ITGA9: variants seen among roughly 807,000 people sequenced by gnomAD.
ITGA9 encodes the protein integrin alpha-9.
ITGA9 carries 56 observed loss-of-function variants against 127.8 expected under a neutral mutation model. The observed-to-expected ratio is 0.44, with a 90% CI of 0.35 to 0.55. ITGA9 has a LOEUF of 0.55. Ranked by LOEUF, ITGA9 falls within the 20% of genes least tolerant of loss-of-function variation. The pLI is 0.00. For synonymous variants in ITGA9, 508 were observed against 514.5 expected, an observed-to-expected ratio of 0.99 and a Z score of 0.17; for missense variants, 1,196 against 1,347.1, an observed-to-expected ratio of 0.89 and a Z score of 1.76.
chr3:37,519,629 A>T (rs1369276727), intron 11 of ITGA9, among the ~76,000 whole-genome samples: 1 of 152,266 alleles, frequency 6.6e-6, no homozygotes, highest in East Asian at 1.9e-4. Flanking sequence ...TTTATTTAAG[A>T]AAGGAAAGGA....
At chr3:37,599,841 A>AT (rs541348761) in intron 15 of ITGA9, among the ~76,000 whole-genome samples, 198 of 152,302 alleles carry the variant, frequency 1.3e-3, no homozygotes, top group Admixed American at 4.9e-3. Context: ...TCATAAACTG[A>AT]TTGTGCATTC....
At chr3:37,662,034 A>G (rs1575184299) in intron 17 of ITGA9, among the ~76,000 whole-genome samples, 1 of 152,212 alleles carries the variant, frequency 6.6e-6, no homozygotes, top group Non-Finnish European at 1.5e-5. Flanking sequence ...TGGAACACTT[A>G]TGAGTCTGGA....
Position 37,748,770 on chromosome 3 carries a change from AG to A in ITGA9, c.2434-1690del. Reference sequence around the variant, plus strand: ...CTTAAAAAAAAAAAAAAAAAAAAGAAGGAAGCCAAACAGAAAGATACCTGGG... The same window carrying A: ...CTTAAAAAAAAAAAAAAAAAAAAGAAGAAGCCAAACAGAAAGATACCTGGG... On this transcript the variant is annotated intron_variant, in intron 22 of 27. Coordinates refer to ENST00000264741, the MANE Select transcript of ITGA9 (RefSeq NM_002207.3). 17 of 644,784 alleles carry A rather than the reference AG, an allele frequency of 2.6e-5. No individual in the cohort carries two copies. In the South Asian group the frequency reaches 2.9e-4, roughly 11 times the overall value. 39.9% of individuals were successfully genotyped at this position (644,784 alleles called of 1,614,324 possible). A position where few individuals can be genotyped will look rare whatever the true frequency, so the allele number is the denominator to read the frequency against.
Position 37,799,791 on chromosome 3 carries a change from G to A in ITGA9, c.2890-4032G>A, listed in dbSNP as rs1476952681. ...TACCTGGGATGGAAACAAGAGGATG[G>A]AGAGAAAAGTTGTTTAGAAAGGTGT... On this transcript the variant is annotated intron_variant, in intron 26 of 27. Coordinates refer to ENST00000264741, the MANE Select transcript of ITGA9 (RefSeq NM_002207.3). The surrounding 1 kb of genome is among the most constrained non-coding windows in gnomAD (Gnocchi z 4.0). Among the ~76,000 whole-genome samples the A allele has an allele frequency of 6.6e-6, 1 of 152,174 alleles. No individual in the cohort carries two copies. The highest frequency in any genetic ancestry group is 2.4e-5 in the African/African-American group (1 of 41,452).
chr3:37,513,912 A>G lies in ITGA9; in HGVS notation c.1035+12A>G. On this transcript the variant is annotated intron_variant, in intron 9 of 27. Coordinates refer to ENST00000264741, the MANE Select transcript of ITGA9 (RefSeq NM_002207.3). ...TCAACAGAGGAAATGTGAGTACAAT[A>G]CTGGGCAATGTGCGGATGGGTGTGG... The G allele has an allele frequency of 6.2e-7, 1 of 1,612,798 alleles. No homozygotes were observed. The highest frequency in any genetic ancestry group is 8.5e-7 in the Non-Finnish European group (1 of 1,179,902).
At position 37,760,992 on chromosome 3, in the gene ITGA9, A is replaced by C. The variant is rs184294822; in HGVS notation, c.2541+10423A>C. 3.3e-5 allele frequency among the ~76,000 whole-genome samples: 5 copies of C among 152,330 alleles called. No homozygotes were observed. The East Asian group carries it at 9.7e-4, about 29-fold the overall frequency. On this transcript the variant is annotated intron_variant, in intron 23 of 27. Transcript: ENST00000264741. ...TTGAAGTTATATGAACAGGAAATTCACAAAAGAAGAAATTTTAGGGGCTGG... is the reference window on the plus strand; with the variant it reads ...TTGAAGTTATATGAACAGGAAATTCCCAAAAGAAGAAATTTTAGGGGCTGG...
intron 15 of ITGA9, among the ~76,000 whole-genome samples, chr3:37,587,827 G>A (rs958836863): frequency 3.3e-5 from 5 of 152,194 alleles, no homozygotes; most frequent in Non-Finnish European, 5.9e-5. Context: ...AGTCAAGGCG[G>A]AGCAGGCCTG....
intron 3 of ITGA9, among the ~76,000 whole-genome samples, chr3:37,474,538 G>A (rs1017340878): frequency 3.6e-5 from 5 of 139,226 alleles, no homozygotes; most frequent in Non-Finnish European, 5.0e-5. Flanking sequence ...TGCACAGCCC[G>A]ATGGGTTTTC....
At chr3:37,668,077 A>G (rs750943343) in intron 17 of ITGA9, among the ~76,000 whole-genome samples, 19 of 152,144 alleles carry the variant, frequency 1.2e-4, no homozygotes, top group Non-Finnish European at 2.1e-4. Flanking sequence ...TTCAGGGCCC[A>G]CCATACATGA....
intron 23 of ITGA9, among the ~76,000 whole-genome samples, chr3:37,764,659 C>CCTG (rs1204398243): frequency 2.0e-5 from 3 of 152,096 alleles, no homozygotes; most frequent in Non-Finnish European, 4.4e-5. Flanking sequence ...CCCTGGGCCC[C>CCTG]CTGCCCTTGC....
intron 26 of ITGA9, among the ~76,000 whole-genome samples, chr3:37,793,830 A>G (rs1173779899): frequency 1.3e-5 from 2 of 152,294 alleles, no homozygotes; most frequent in Non-Finnish European, 2.9e-5. Flanking sequence ...ACACTCCTGT[A>G]TCTGCCAGTC....
intron 5 of ITGA9, 128 bp from the exon 6 acceptor site, chr3:37,503,050 C>T: frequency 1.0e-6 from 1 of 975,262 alleles, no homozygotes; most frequent in Admixed American, 2.0e-5. Context: ...GTTTTTGTTG[C>T]TTAGCTGGGG....
chr3:37,614,440 C>T (rs1311477038), intron 15 of ITGA9, among the ~76,000 whole-genome samples: 18 of 152,066 alleles, frequency 1.2e-4, no homozygotes, highest in South Asian at 6.2e-4. Flanking sequence ...ATTGACTTGG[C>T]GATGCGGGCT....
intron 8 of ITGA9, among the ~76,000 whole-genome samples, chr3:37,510,024 C>CT (rs5848025): frequency 0.49 from 66,156 of 136,262 alleles, 16,380 homozygotes; most frequent in East Asian, 0.7. Flanking sequence ...TAAAGGATTC[C>CT]TTTTTTTTTT....
intron 18 of ITGA9, among the ~76,000 whole-genome samples, chr3:37,692,467 G>A (rs370300041): frequency 5.9e-5 from 9 of 151,348 alleles, no homozygotes; most frequent in Non-Finnish European, 1.3e-4. Flanking sequence ...AAAAAAAATA[G>A]AGACAGTGTT....
intron 16 of ITGA9, among the ~76,000 whole-genome samples, chr3:37,639,797 C>G (rs1700315004): frequency 6.6e-6 from 1 of 152,084 alleles, no homozygotes; most frequent in Admixed American, 6.5e-5. Flanking sequence ...TAATTAATTG[C>G]TAGTTGGTCT....
chr3:37,678,971 A>T (rs1001474022), intron 17 of ITGA9, among the ~76,000 whole-genome samples: 2 of 152,222 alleles, frequency 1.3e-5, no homozygotes, highest in African/African-American at 4.8e-5. Flanking sequence ...ACTTAAGTAC[A>T]AACCCAATAA....
intron 15 of ITGA9, among the ~76,000 whole-genome samples, chr3:37,576,470 A>G (rs1247104589): frequency 1.3e-5 from 2 of 152,226 alleles, no homozygotes; most frequent in African/African-American, 4.8e-5. Flanking sequence ...GTGGGTGGTC[A>G]GGAAACATTC....
rs532880282 is a variant in ITGA9, at chr3:37,709,109, C to T, written c.2068-23603C>T. Among the ~76,000 whole-genome samples, 6 of 152,270 alleles carry T rather than the reference C, an allele frequency of 3.9e-5. No homozygotes were observed. In the South Asian group the frequency reaches 8.3e-4, roughly 21 times the overall value. ...TGCCTAAGTTTTCTTATCTGTGAGACTGAGCTAAGAATAATGTTGACCTTA... is the reference window on the plus strand; with the variant it reads ...TGCCTAAGTTTTCTTATCTGTGAGATTGAGCTAAGAATAATGTTGACCTTA... On this transcript the variant is annotated intron_variant, in intron 18 of 27. Coordinates refer to ENST00000264741, the MANE Select transcript of ITGA9 (RefSeq NM_002207.3).
Sources: allele counts gnomAD v4.1 joint callset (sites outside exome capture counted in the v4.1 genomes callset), GRCh38; gene constraint gnomAD v4.1.1; non-coding constraint Gnocchi (gnomAD v3.1); transcripts MANE v1.5; gene names NCBI Gene and HGNC (gene_info 2026-07-23, HGNC 2026-07-21).